ARID1B: variants seen among roughly 807,000 people sequenced by gnomAD.
ARID1B encodes AT-rich interaction domain 1B, also known as AT-rich interactive domain-containing protein 1B.
Under a neutral mutation model 212.3 loss-of-function variants are expected in ARID1B, and 30 were observed. That is an observed-to-expected ratio of 0.14 (90% CI 0.11 to 0.19). The LOEUF (loss-of-function observed/expected upper bound fraction) is 0.19, where lower values mean the gene tolerates loss of function less well. Ranked by LOEUF, ARID1B falls within the 10% of genes least tolerant of loss-of-function variation. The pLI, the probability that ARID1B is intolerant of heterozygous loss-of-function variation, is 1.00. For missense variants in ARID1B, 2,891 were observed against 3,204.0 expected, an observed-to-expected ratio of 0.90 and a Z score of 2.36; for synonymous variants, 1,402 against 1,301.7, an observed-to-expected ratio of 1.08 and a Z score of -1.66.
intron 2 of ARID1B, among the ~76,000 whole-genome samples, chr6:156,853,983 T>C (rs1223879615): frequency 1.3e-5 from 2 of 152,172 alleles, no homozygotes; most frequent in East Asian, 3.9e-4. Flanking sequence ...TCCCCCACTT[T>C]GGCTTCTCAC....
intron 2 of ARID1B, among the ~76,000 whole-genome samples, chr6:156,876,734 C>T (rs1252027512): frequency 2.0e-5 from 3 of 152,222 alleles, no homozygotes; most frequent in Admixed American, 6.5e-5. Context: ...CCGTCACTGG[C>T]GTGGGCAGTT....
intron 2 of ARID1B, among the ~76,000 whole-genome samples, chr6:156,880,172 A>G (rs287871): frequency 0.6 from 91,745 of 151,942 alleles, 28,032 homozygotes; most frequent in African/African-American, 0.67. Flanking sequence ...TAGTGTGAGC[A>G]AATGACCAGT....
intron 2 of ARID1B, among the ~76,000 whole-genome samples, chr6:156,895,025 G>A (rs943741464): frequency 6.6e-6 from 1 of 152,184 alleles, no homozygotes; most frequent in African/African-American, 2.4e-5. Context: ...CTGTCCAGTG[G>A]TGTGGTGGTG....
chr6:157,126,489 G>A (rs12664986), intron 6 of ARID1B, among the ~76,000 whole-genome samples: 9,521 of 152,092 alleles, frequency 0.063, 437 homozygotes, highest in South Asian at 0.22. Context: ...CATCAGAAGG[G>A]TATCTCTGCA....
chr6:156,842,660 A>G (rs1418067351), intron 2 of ARID1B, among the ~76,000 whole-genome samples: 3 of 152,160 alleles, frequency 2.0e-5, no homozygotes, highest in African/African-American at 7.2e-5. Flanking sequence ...TGGTAATTCT[A>G]TATGTTAACT....
intron 4 of ARID1B, among the ~76,000 whole-genome samples, chr6:157,064,763 C>T (rs957083016): frequency 1.3e-5 from 2 of 152,190 alleles, no homozygotes; most frequent in Non-Finnish European, 2.9e-5. Context: ...CCCCAGGCTC[C>T]GGCCTCTGCC....
At chr6:157,125,052 C>A (rs1788043738) in intron 6 of ARID1B, among the ~76,000 whole-genome samples, 1 of 152,130 alleles carries the variant, frequency 6.6e-6, no homozygotes, top group Non-Finnish European at 1.5e-5. Context: ...GTGACAGAAC[C>A]AGAATGGGAG....
At chr6:156,912,119 C>T (rs1195197489) in intron 3 of ARID1B, among the ~76,000 whole-genome samples, 1 of 152,000 alleles carries the variant, frequency 6.6e-6, no homozygotes, top group Non-Finnish European at 1.5e-5. Context: ...GTAAAGGATT[C>T]CACGTTACCC....
At chr6:157,120,281 G>A (rs1394814881) in intron 6 of ARID1B, among the ~76,000 whole-genome samples, 1 of 152,200 alleles carries the variant, frequency 6.6e-6, no homozygotes, top group Non-Finnish European at 1.5e-5. Context: ...TTTGCCCAGT[G>A]ATAGGTGGTA....
intron 4 of ARID1B, among the ~76,000 whole-genome samples, chr6:157,039,852 C>CTT (rs1781725596): frequency 1.6e-5 from 2 of 122,326 alleles, no homozygotes; most frequent in East Asian, 2.6e-4. Flanking sequence ...CTCTCTTTCT[C>CTT]TCTCTTTCTC....
At chr6:156,905,248 A>ATG (rs1562474882) in intron 3 of ARID1B, among the ~76,000 whole-genome samples, 5 of 135,108 alleles carry the variant, frequency 3.7e-5, no homozygotes, top group Admixed American at 1.5e-4. Context: ...TCACATATGC[A>ATG]CGCACACACA....
chr6:156,944,568 A>G (rs550561609), intron 4 of ARID1B, among the ~76,000 whole-genome samples: 4 of 152,334 alleles, frequency 2.6e-5, no homozygotes, highest in Admixed American at 2.6e-4. Flanking sequence ...TAAATGAAAA[A>G]GCTGCAGGAC....
intron 6 of ARID1B, among the ~76,000 whole-genome samples, chr6:157,129,366 C>A (rs1788373903): frequency 6.6e-6 from 1 of 152,148 alleles, no homozygotes; most frequent in Admixed American, 6.5e-5. Context: ...ATTCCCAGTC[C>A]ACTGCCGTTA....
chr6:157,084,500 C>A (rs1168557563), intron 4 of ARID1B, among the ~76,000 whole-genome samples, 162 bp from the exon 5 acceptor site: 2 of 152,124 alleles, frequency 1.3e-5, no homozygotes, highest in Non-Finnish European at 2.9e-5. Context: ...TTACAAATGA[C>A]CTCATTAAAA....
intron 4 of ARID1B, among the ~76,000 whole-genome samples, chr6:157,004,782 A>C (rs1326698064): frequency 6.6e-6 from 1 of 151,602 alleles, no homozygotes; most frequent in Non-Finnish European, 1.5e-5. Context: ...ATTGCTTATA[A>C]TTATGTCACT....
rs7775674 is a variant in ARID1B at position 157,094,545 on chromosome 6, G to T, written c.2491+9640G>T. The stretch of plus-strand genomic sequence containing the variant: ...AATTTTTATATTTTTAGTAGAGATG[G>T]GGTTTCGCCATGTTGGCCAGGCTGG... On this transcript the variant is annotated intron_variant, in intron 5 of 19. Transcript: ENST00000636930. The surrounding 1 kb of genome is among the most constrained non-coding windows in gnomAD (Gnocchi z 4.3). Among the ~76,000 whole-genome samples, 106,314 of 151,920 alleles carry T rather than the reference G, an allele frequency of 0.7. 38,267 individuals carry two copies. Among genetic ancestry groups the T allele is most frequent in the East Asian group, 0.96 (4,953 of 5,154 alleles).
chr6:157,005,941 T>G (rs560944159), intron 4 of ARID1B, among the ~76,000 whole-genome samples: 1 of 152,318 alleles, frequency 6.6e-6, no homozygotes, highest in Admixed American at 6.5e-5. Context: ...ATAGCGACAT[T>G]GCTATTTTAA....
chr6:156,910,845 A>G (rs1220976127), intron 3 of ARID1B, among the ~76,000 whole-genome samples: 1 of 152,214 alleles, frequency 6.6e-6, no homozygotes, highest in Non-Finnish European at 1.5e-5. Context: ...GTTTGAATCA[A>G]ACTTTTCTAG....
At chr6:156,796,731 C>T (rs2115278897) in intron 1 of ARID1B, among the ~76,000 whole-genome samples, 1 of 152,296 alleles carries the variant, frequency 6.6e-6, no homozygotes, top group Admixed American at 6.5e-5. Context: ...TGCCATATTA[C>T]AAGGACAGAG....
Sources: gnomAD v4.1 joint callset for allele counts (sites outside exome capture counted in the v4.1 genomes callset) on GRCh38, gnomAD v4.1.1 for gene constraint, Gnocchi (gnomAD v3.1) non-coding constraint, MANE v1.5 for transcripts, NCBI Gene and HGNC (gene_info 2026-07-23, HGNC 2026-07-21) for gene names.